GNAZ: variants seen among roughly 807,000 people sequenced by gnomAD.
The protein encoded by GNAZ is guanine nucleotide-binding protein G(z) subunit alpha.
In GNAZ, 3 loss-of-function variants were observed where a neutral mutation model predicts 25.4. The ratio of observed to expected loss-of-function variants is 0.12; its 90% confidence interval spans 0.05 to 0.30. The LOEUF is 0.30. GNAZ is among the 10% of genes least tolerant of loss of function. The probability of loss-of-function intolerance (pLI) is 1.00; values close to 1 mark genes in which losing one functional copy is unlikely to be tolerated. For missense variants in GNAZ, 241 were observed against 501.8 expected (o/e 0.48, Z 4.97); for synonymous variants, 211 against 205.7 (o/e 1.03, Z -0.22).
At chr22:23,109,444 G>A (rs1280388725) in intron 2 of GNAZ, among the ~76,000 whole-genome samples, 1 of 152,198 alleles carries the variant, frequency 6.6e-6, no homozygotes, top group African/African-American at 2.4e-5. Flanking sequence ...AAGTGAGCCT[G>A]GGAGAAAGGG....
rs546075991 is a variant in GNAZ at position 23,106,460 on chromosome 22, A to ACTGTGGGTGGGGCCCTGGCC, written c.723+10043_723+10062dup. 2.9e-3 allele frequency among the ~76,000 whole-genome samples: 438 copies of ACTGTGGGTGGGGCCCTGGCC among 152,316 alleles called. 6 individuals carry two copies. The highest frequency in any genetic ancestry group is 0.024 in the Admixed American group (373 of 15,308). ...TCTCCATCTCACACTGGGCCCTGGC[A>ACTGTGGGTGGGGCCCTGGCC]CTGTGGGTGGGGCCCTGGCCTGGCT... is the stretch of plus-strand genomic sequence containing the variant. On this transcript the variant is annotated intron_variant, in intron 2 of 2. Transcript: ENST00000615612.
intron 1 of GNAZ, among the ~76,000 whole-genome samples, chr22:23,076,621 T>A (rs998111828): frequency 3.3e-5 from 5 of 152,214 alleles, no homozygotes; most frequent in Non-Finnish European, 7.3e-5. Flanking sequence ...GACAGATGCC[T>A]CGGGCTGACG....
intron 1 of GNAZ, among the ~76,000 whole-genome samples, chr22:23,073,318 G>A (rs1397253274): frequency 2.0e-5 from 3 of 152,226 alleles, no homozygotes; most frequent in East Asian, 1.9e-4. Flanking sequence ...GAACAGAGGC[G>A]TCAGTGCAGA....
intron 2 of GNAZ, among the ~76,000 whole-genome samples, chr22:23,113,620 C>T (rs913016177): frequency 3.9e-5 from 6 of 152,254 alleles, no homozygotes; most frequent in Admixed American, 6.5e-5. Flanking sequence ...TTCCCTGTTC[C>T]ACAGCTGCAG....
chr22:23,089,352 G>A (rs1369870267), intron 1 of GNAZ, among the ~76,000 whole-genome samples: 1 of 152,182 alleles, frequency 6.6e-6, no homozygotes, highest in Non-Finnish European at 1.5e-5. Context: ...ACAGCCTGGA[G>A]GTTACGGGCA....
intron 1 of GNAZ, among the ~76,000 whole-genome samples, chr22:23,093,186 A>G (rs1555928676): frequency 6.6e-6 from 1 of 152,214 alleles, no homozygotes; most frequent in Non-Finnish European, 1.5e-5. Context: ...CAAGGCTTCC[A>G]TTCTCAGATG....
chr22:23,082,908 C>G (rs902674186), intron 1 of GNAZ, among the ~76,000 whole-genome samples: 14 of 152,152 alleles, frequency 9.2e-5, no homozygotes, highest in African/African-American at 3.4e-4. Context: ...CCCCCCAAAC[C>G]TTGCCCCCAG....
intron 2 of GNAZ, among the ~76,000 whole-genome samples, chr22:23,122,195 A>G (rs1182280733): frequency 6.6e-6 from 1 of 152,240 alleles, no homozygotes; most frequent in East Asian, 1.9e-4. Context: ...TTTGCAGGGA[A>G]GTGGTGAACT....
chr22:23,121,612 T>C (rs2070025802), intron 2 of GNAZ, among the ~76,000 whole-genome samples: 1 of 152,202 alleles, frequency 6.6e-6, no homozygotes, highest in South Asian at 2.1e-4. Context: ...TCATTGTCAC[T>C]GCAGTCATTG....
chr22:23,088,534 T>C (rs942171687), intron 1 of GNAZ, among the ~76,000 whole-genome samples: 2 of 152,196 alleles, frequency 1.3e-5, no homozygotes, highest in African/African-American at 2.4e-5. Context: ...TGCTGAGTCA[T>C]AGCCCCGCTT....
intron 1 of GNAZ, among the ~76,000 whole-genome samples, chr22:23,078,910 G>A (rs1029005131): frequency 2.6e-5 from 4 of 152,214 alleles, no homozygotes; most frequent in Admixed American, 2.0e-4. Context: ...CCAGGTGGGC[G>A]GGGGCTGTGC....
intron 1 of GNAZ, among the ~76,000 whole-genome samples, chr22:23,094,835 G>A (rs941138454): frequency 6.6e-6 from 1 of 152,238 alleles, no homozygotes; most frequent in Admixed American, 6.5e-5. Context: ...TCCCAGGGCT[G>A]GGCCGAGGCC....
intron 1 of GNAZ, among the ~76,000 whole-genome samples, chr22:23,086,635 G>A (rs558009412): frequency 1.3e-5 from 2 of 152,290 alleles, no homozygotes; most frequent in Non-Finnish European, 2.9e-5. Context: ...GACCCTCCCC[G>A]GGGCCCAGCC....
chr22:23,084,822 G>C (rs1253763321), intron 1 of GNAZ, among the ~76,000 whole-genome samples: 2 of 152,238 alleles, frequency 1.3e-5, no homozygotes, highest in African/African-American at 4.8e-5. Flanking sequence ...TCTCCCAGAT[G>C]AGTGTGGGCG....
At chr22:23,107,239 C>G (rs1355449619) in intron 2 of GNAZ, among the ~76,000 whole-genome samples, 2 of 152,148 alleles carry the variant, frequency 1.3e-5, no homozygotes, top group Non-Finnish European at 2.9e-5. Context: ...CTTCTGGACT[C>G]GGCTGGAACA....
chr22:23,123,338 C>G lies in GNAZ; in HGVS notation c.975C>G (p.Thr325=), dbSNP rs891790725. ...CCAAGGAGATCTACTCCCACTTCAC[C>G]TGCGCCACCGACACCAGTAACATCC... ...KETKEIYSHF[T]CATDTSNIQF... Residue 325 remains threonine (T), a synonymous_variant, in exon 3 of 3, where the codon ACC becomes ACG. Transcript: ENST00000615612. 1.9e-6 allele frequency: 3 copies of G among 1,614,014 alleles called. No homozygotes were observed. The highest frequency in any genetic ancestry group is 1.7e-5 in the Admixed American group (1 of 60,034).
At chr22:23,102,336 A>G (rs994141983) in intron 2 of GNAZ, among the ~76,000 whole-genome samples, 16 of 152,180 alleles carry the variant, frequency 1.1e-4, no homozygotes, top group African/African-American at 3.9e-4. Flanking sequence ...AGAAGGCAGC[A>G]TGTCCTGGCA....
At chr22:23,122,344 ACTC>A (rs1471275019) in intron 2 of GNAZ, 3 of 151,916 alleles carry the variant, frequency 2.0e-5, no homozygotes, top group Non-Finnish European at 2.9e-5. Context: ...GGCCCACCAC[ACTC>A]CTGTCCTCTG....
chr22:23,080,124 C>T (rs1271293357), intron 1 of GNAZ, among the ~76,000 whole-genome samples: 2 of 152,266 alleles, frequency 1.3e-5, no homozygotes, highest in African/African-American at 2.4e-5. Flanking sequence ...CACTTCTTCT[C>T]TGCTGTCATG....
Sources: allele counts gnomAD v4.1 joint callset (sites outside exome capture counted in the v4.1 genomes callset), GRCh38; gene constraint gnomAD v4.1.1; transcripts MANE v1.5; gene names NCBI Gene and HGNC (gene_info 2026-07-23, HGNC 2026-07-21).